Variants in FGGY observed in about 807,000 individuals in gnomAD.
FGGY encodes the protein FGGY carbohydrate kinase domain-containing protein.
A neutral mutation model predicts 71.3 loss-of-function variants in FGGY; 72 were observed. The ratio of observed to expected loss-of-function variants is 1.01; its 90% CI spans 0.84 to 1.23. FGGY has a LOEUF of 1.23. Among genes scored for constraint, FGGY ranks in the 50% most tolerant of loss-of-function variants. The pLI is 0.00. For synonymous variants in FGGY, 251 were observed against 250.3 expected (o/e 1.00, Z -0.02); for missense variants, 668 against 682.3 (o/e 0.98, Z 0.23).
intron 14 of FGGY, among the ~76,000 whole-genome samples, chr1:59,696,001 G>A (rs2154008698): frequency 6.6e-6 from 1 of 152,150 alleles, no homozygotes; most frequent in African/African-American, 2.4e-5. Context: ...CATTTTGGAA[G>A]TGTTGCCATC....
chr1:59,397,192 A>C (rs2061426205), intron 5 of FGGY, among the ~76,000 whole-genome samples: 1 of 152,194 alleles, frequency 6.6e-6, no homozygotes, highest in Non-Finnish European at 1.5e-5. Flanking sequence ...ATGGTATTTG[A>C]CCTTCTATTA....
intron 8 of FGGY, among the ~76,000 whole-genome samples, chr1:59,559,849 G>A (rs370526484): frequency 6.6e-5 from 10 of 152,118 alleles, no homozygotes; most frequent in East Asian, 3.9e-4. Context: ...ATATCCATAA[G>A]ACCATACTGA....
At chr1:59,680,320 C>T (rs1169509015) in intron 14 of FGGY, among the ~76,000 whole-genome samples, 1 of 151,720 alleles carries the variant, frequency 6.6e-6, no homozygotes, top group Non-Finnish European at 1.5e-5. Flanking sequence ...ATGTCAGTGT[C>T]CCTCAGAAAG....
At chr1:59,653,067 G>T (rs1480885202) in intron 11 of FGGY, among the ~76,000 whole-genome samples, 2 of 152,190 alleles carry the variant, frequency 1.3e-5, no homozygotes, top group Admixed American at 1.3e-4. Context: ...GGCTGCTCGT[G>T]GGTCAGGGTT....
intron 14 of FGGY, chr1:59,699,452 T>C (rs2097692032): frequency 1.0e-6 from 1 of 954,040 alleles, no homozygotes; most frequent in Non-Finnish European, 1.2e-6. Context: ...TAGAGAACAT[T>C]GCATGGGCTG....
chr1:59,477,404 T>C (rs1280243928), intron 6 of FGGY, among the ~76,000 whole-genome samples: 2 of 152,108 alleles, frequency 1.3e-5, no homozygotes, highest in Non-Finnish European at 2.9e-5. Flanking sequence ...GGGTGGCAGG[T>C]CACCAGTTGA....
rs955282088 is a variant in FGGY, at chr1:59,663,495, A to G, written c.1296+3202A>G. ...TCCAGAAATGTATAAATGAGGTTAA[A>G]CTTAATGCGGGCAGGAGAGGGGAAG... On this transcript the variant is annotated intron_variant, in intron 12 of 15. Coordinates refer to ENST00000303721, the MANE Select transcript of FGGY (RefSeq NM_018291.5). Among the ~76,000 whole-genome samples the G allele has an allele frequency of 1.2e-4, 19 of 152,312 alleles. No individual in the cohort carries two copies. In the East Asian group the frequency reaches 2.5e-3, roughly 20 times the overall value.
intron 14 of FGGY, among the ~76,000 whole-genome samples, chr1:59,711,666 C>A (rs937866282): frequency 6.6e-6 from 1 of 152,196 alleles, no homozygotes; most frequent in Non-Finnish European, 1.5e-5. Context: ...GAGCAAGTCA[C>A]ATCTTACATG....
chr1:59,372,719 G>T (rs1361876300), intron 4 of FGGY, among the ~76,000 whole-genome samples: 1 of 152,174 alleles, frequency 6.6e-6, no homozygotes, highest in Non-Finnish European at 1.5e-5. Flanking sequence ...CCATGATCAA[G>T]TGGCCGTCAT....
rs2093656066 is a variant in FGGY, at chr1:59,486,284, G to C, written c.671-26027G>C. 2.0e-5 allele frequency among the ~76,000 whole-genome samples: 3 copies of C among 152,182 alleles called. No individual in the cohort carries two copies. In the South Asian group the frequency reaches 6.2e-4, roughly 32 times the overall value. ...AACCACAATGTCACTACATCCAGGA[G>C]GGTTCTTGGTGCTTGATATGTGGCT... On this transcript the variant is annotated intron_variant, in intron 6 of 15. Transcript: ENST00000303721.
At chr1:59,457,148 T>A in intron 6 of FGGY, 72 bp downstream of exon 6, 4 of 1,122,478 alleles carry the variant, frequency 3.6e-6, no homozygotes, top group Non-Finnish European at 5.3e-6. Context: ...GTTATTGTGG[T>A]TTGTATGTTT....
At chr1:59,653,125 T>C (rs943491829) in intron 11 of FGGY, among the ~76,000 whole-genome samples, 1 of 152,322 alleles carries the variant, frequency 6.6e-6, no homozygotes, top group East Asian at 1.9e-4. Flanking sequence ...GATCTCCAGC[T>C]GCGTGCTGGG....
intron 7 of FGGY, among the ~76,000 whole-genome samples, chr1:59,547,052 A>G (rs1438062534): frequency 6.8e-6 from 1 of 148,148 alleles, no homozygotes; most frequent in African/African-American, 2.5e-5. Flanking sequence ...TCCTGCATTC[A>G]AGCAATTCTC....
intron 4 of FGGY, among the ~76,000 whole-genome samples, chr1:59,374,473 A>C (rs2058291868): frequency 6.6e-6 from 1 of 152,198 alleles, no homozygotes; most frequent in South Asian, 2.1e-4. Context: ...AAACTAGTTG[A>C]ACCATTGTGG....
chr1:59,754,546 C>T (rs1439675266), intron 14 of FGGY, among the ~76,000 whole-genome samples: 2 of 152,166 alleles, frequency 1.3e-5, no homozygotes, highest in Non-Finnish European at 2.9e-5. Context: ...GCCTCACCCT[C>T]CCCGTGGGAC....
rs776597905 is a variant in FGGY, at chr1:59,413,051, C to G, written c.554+34214C>G. On this transcript the variant is annotated intron_variant, in intron 5 of 15. Transcript: ENST00000303721. ...TTCTTCCAACTCCCATGCATTTGCA[C>G]AGATTGTTTCTTTGACCTGGAATGC... Among the ~76,000 whole-genome samples, 21 of 152,312 alleles carry G rather than the reference C, an allele frequency of 1.4e-4. 1 individual carries two copies. Among genetic ancestry groups the G allele is most frequent in the Non-Finnish European group, 1.3e-4 (9 of 68,020 alleles).
chr1:59,625,911 C>A lies in FGGY; in HGVS notation c.1012-77C>A. On this transcript the variant is annotated intron_variant, in intron 9 of 15. Coordinates refer to ENST00000303721, the MANE Select transcript of FGGY (RefSeq NM_018291.5). ...CAAAGAGTTGAAAGAAACATATACT[C>A]ATTTTAATATAAATTTTTCTATCTT... is the stretch of plus-strand genomic sequence containing the variant. The A allele has an allele frequency of 2.7e-6, 3 of 1,099,272 alleles. No homozygotes were observed. The South Asian group carries it at 5.4e-5, about 20-fold the overall frequency. The allele number at this position is 1,099,272 out of a possible 1,614,324, so 68.1% of individuals were successfully genotyped here. A position where few individuals can be genotyped will look rare whatever the true frequency, so the allele number is the denominator to read the frequency against.
At chr1:59,323,427 G>A (rs994594116) in intron 2 of FGGY, among the ~76,000 whole-genome samples, 20 of 152,320 alleles carry the variant, frequency 1.3e-4, no homozygotes, top group African/African-American at 4.8e-4. Context: ...TGGGTCTTAG[G>A]CGATTCTCCT....
chr1:59,748,533 T>G (rs1242850273), intron 14 of FGGY, among the ~76,000 whole-genome samples: 3 of 152,180 alleles, frequency 2.0e-5, no homozygotes, highest in Non-Finnish European at 2.9e-5. Context: ...AGATGGCCAG[T>G]GTGTTCCCAG....
Sources: allele counts gnomAD v4.1 joint callset (sites outside exome capture counted in the v4.1 genomes callset), GRCh38; gene constraint gnomAD v4.1.1; transcripts MANE v1.5; gene names NCBI Gene and HGNC (gene_info 2026-07-23, HGNC 2026-07-21).